The following CUX1 variants were observed in gnomAD, a reference collection of about 807,000 sequenced individuals.
CUX1 encodes cut like homeobox 1.
In CUX1, 31 loss-of-function variants were observed where a neutral mutation model predicts 158.8. The ratio of observed to expected loss-of-function variants is 0.20; its 90% CI spans 0.15 to 0.26. The LOEUF (loss-of-function observed/expected upper bound fraction) is 0.26, where lower values mean the gene tolerates loss of function less well. Among genes scored for constraint, CUX1 ranks in the 10% least tolerant of loss-of-function variants. The pLI, the probability that CUX1 is intolerant of heterozygous loss-of-function variation, is 1.00. For missense variants in CUX1, 1,589 were observed against 2,014.6 expected (o/e 0.79, Z 4.04); for synonymous variants, 879 against 862.1 (o/e 1.02, Z -0.34).
chr7:102,196,603 C>A, intron 14 of CUX1, 31 bp from the exon 15 acceptor site: 1 of 1,502,168 alleles, frequency 6.7e-7, no homozygotes, highest in Non-Finnish European at 8.9e-7. Context: ...TGGAATCCCC[C>A]ATAATGCATT....
intron 13 of CUX1, 25 bp from the exon 14 acceptor site, chr7:102,195,482 G>T: frequency 6.3e-7 from 1 of 1,594,364 alleles, no homozygotes; most frequent in Non-Finnish European, 8.5e-7. Context: ...GCCCCGCAGT[G>T]AGACCCCCGC....
At chr7:101,843,865 T>C (rs1216206602) in intron 1 of CUX1, among the ~76,000 whole-genome samples, 2 of 152,202 alleles carry the variant, frequency 1.3e-5, no homozygotes, top group Non-Finnish European at 2.9e-5. Context: ...TGAACAAATG[T>C]GAACCTTTTG....
chr7:101,952,219 C>A (rs1156682522), intron 2 of CUX1, among the ~76,000 whole-genome samples: 2 of 150,368 alleles, frequency 1.3e-5, no homozygotes, highest in Non-Finnish European at 3.0e-5. Flanking sequence ...CCCGTCTCTA[C>A]AAAAAAAAAT....
At chr7:102,168,898 CTTTTCTTTTCTTTTA>C (rs1474117178) in intron 9 of CUX1, among the ~76,000 whole-genome samples, 85 of 121,138 alleles carry the variant, frequency 7.0e-4, no homozygotes, top group Admixed American at 1.4e-3. Flanking sequence ...CTTTTCTTTT[CTTTTCTTTTCTTTTA>C]TTTTCTTTTC....
At chr7:101,956,781 C>G (rs887075243) in intron 2 of CUX1, among the ~76,000 whole-genome samples, 3 of 152,206 alleles carry the variant, frequency 2.0e-5, no homozygotes, top group Admixed American at 1.3e-4. Flanking sequence ...GACCCTGTCT[C>G]TACACAAAAT....
intron 2 of CUX1, among the ~76,000 whole-genome samples, chr7:101,950,184 A>G (rs1213223071): frequency 3.3e-5 from 5 of 151,940 alleles, no homozygotes; most frequent in African/African-American, 1.2e-4. Flanking sequence ...TAATTTTTGT[A>G]TTTTTAGTAG....
At chr7:102,100,069 C>A (rs1829621985) in intron 5 of CUX1, among the ~76,000 whole-genome samples, 2 of 152,148 alleles carry the variant, frequency 1.3e-5, no homozygotes. Flanking sequence ...CACTTGAGGT[C>A]ATGAGTTCGA....
At chr7:102,060,643 A>ACACACACT (rs768478966) in intron 3 of CUX1, among the ~76,000 whole-genome samples, 2 of 150,308 alleles carry the variant, frequency 1.3e-5, no homozygotes, top group Non-Finnish European at 3.0e-5. Flanking sequence ...ACACACACAC[A>ACACACACT]CTTTGCTGCC....
chr7:101,911,620 C>T (rs1426489733), intron 1 of CUX1, among the ~76,000 whole-genome samples: 2 of 152,156 alleles, frequency 1.3e-5, no homozygotes, highest in Admixed American at 6.5e-5. Context: ...TGAGCCTTGG[C>T]GTTGACCTTG....
intron 8 of CUX1, among the ~76,000 whole-genome samples, chr7:102,156,140 G>A (rs1453893778): frequency 6.6e-6 from 1 of 152,168 alleles, no homozygotes; most frequent in African/African-American, 2.4e-5. Context: ...GGCTGCAAAA[G>A]CCTCAGGCCA....
At chr7:102,152,305 A>G (rs1371846716) in intron 8 of CUX1, among the ~76,000 whole-genome samples, 1 of 152,138 alleles carries the variant, frequency 6.6e-6, no homozygotes, top group Non-Finnish European at 1.5e-5. Context: ...GCAGTGAGCT[A>G]TGATCGCACC....
At chr7:102,076,701 C>T (rs2130683479) in intron 4 of CUX1, among the ~76,000 whole-genome samples, 1 of 152,148 alleles carries the variant, frequency 6.6e-6, no homozygotes, top group Middle Eastern at 3.4e-3. Flanking sequence ...TGCCCTCAGA[C>T]TATAGAGGCT....
intron 20 of CUX1, among the ~76,000 whole-genome samples, chr7:102,216,669 T>TCA (rs1158278343): frequency 1.3e-3 from 20 of 15,822 alleles, no homozygotes; most frequent in East Asian, 0.011. Flanking sequence ...CCACACACAC[T>TCA]CACACACACA....
intron 2 of CUX1, among the ~76,000 whole-genome samples, chr7:101,950,107 T>TTTAAGCG (rs1808877895): frequency 6.6e-6 from 1 of 152,094 alleles, no homozygotes; most frequent in South Asian, 2.1e-4. Flanking sequence ...GCCTCCTGGG[T>TTTAAGCG]TTAAGCGTTC....
At chr7:101,939,823 C>A (rs1164094227) in intron 2 of CUX1, among the ~76,000 whole-genome samples, 1 of 151,768 alleles carries the variant, frequency 6.6e-6, no homozygotes, top group East Asian at 1.9e-4. Context: ...TGGGGCTGAG[C>A]GCGGTAGCTC....
At chr7:102,283,090 A>G (rs1554549890) in exon 23 of CUX1, 1 of 1,613,220 alleles carries the variant, frequency 6.2e-7, no homozygotes, top group Non-Finnish European at 8.5e-7. Context: ...TGTGGCAGTG[A>G]TACCCCGGGG....
intron 21 of CUX1, among the ~76,000 whole-genome samples, chr7:102,228,904 G>A (rs1292834442): frequency 2.0e-5 from 3 of 152,130 alleles, no homozygotes; most frequent in African/African-American, 4.8e-5. Flanking sequence ...AAGGTCTAAC[G>A]GACCCCGGTT....
chr7:102,249,014 G>T lies in CUX1; in HGVS notation c.4490G>T (p.Arg1497Leu). Residue 1497 changes from arginine (R) to leucine (L), a missense_variant, in exon 24 of 24, where the codon CGG becomes CTG. Around this residue, in one of 8 missense-constraint regions of CUX1, gnomAD observed 344 missense variants for 323.7 expected, o/e 1.06. Transcript: ENST00000292535. ...CACCGCCTGGAGAAGGCCGCCAGCC[G>T]GGAGGAACCTATCGAATGGGAGTTC... is the stretch of plus-strand genomic sequence containing the variant. ...IIHRLEKAAS[R>L]EEPIEWEF 2 of 1,390,642 alleles carry T rather than the reference G, an allele frequency of 1.4e-6. No individual in the cohort carries two copies. Among genetic ancestry groups the T allele is most frequent in the South Asian group, 1.5e-5 (1 of 66,502 alleles). The allele number at this position is 1,390,642 out of a possible 1,614,324, so 86.1% of individuals were successfully genotyped here.
intron 2 of CUX1, among the ~76,000 whole-genome samples, chr7:101,955,591 G>C (rs906898022): frequency 2.0e-5 from 3 of 152,126 alleles, no homozygotes; most frequent in Admixed American, 6.6e-5. Context: ...CGCACAGCTG[G>C]GGCCCCTCTC....
Sources: gnomAD v4.1 joint callset for allele counts (sites outside exome capture counted in the v4.1 genomes callset) on GRCh38, gnomAD v4.1.1 for gene constraint, gnomAD v4.1.1 regional missense constraint, MANE v1.5 for transcripts, NCBI Gene and HGNC (gene_info 2026-07-23, HGNC 2026-07-21) for gene names.